The following HMCN1 variants were observed in gnomAD, a reference collection of about 807,000 sequenced individuals.
HMCN1 encodes hemicentin-1.
In HMCN1, 321 loss-of-function variants were observed where a neutral mutation model predicts 625.9. The observed-to-expected ratio is 0.51, with a 90% confidence interval of 0.47 to 0.56. The LOEUF (loss-of-function observed/expected upper bound fraction) is 0.56. HMCN1 is among the 20% of genes least tolerant of loss of function. HMCN1 has a pLI of 0.00. For synonymous variants in HMCN1, 2,425 were observed against 2,417.6 expected, an observed-to-expected ratio of 1.00 and a Z score of -0.09; for missense variants, 6,588 against 6,887.3, an observed-to-expected ratio of 0.96 and a Z score of 1.54.
At chr1:185,780,390 T>C (rs1031079706) in intron 1 of HMCN1, among the ~76,000 whole-genome samples, 5 of 152,184 alleles carry the variant, frequency 3.3e-5, no homozygotes, top group African/African-American at 9.7e-5. Context: ...CTATGTTGAA[T>C]AGGAGAGGTG....
chr1:185,970,185 A>G, intron 14 of HMCN1, 150 bp from the exon 15 acceptor site: 1 of 750,982 alleles, frequency 1.3e-6, no homozygotes, highest in Non-Finnish European at 2.4e-6. Context: ...TCTGAATTTT[A>G]GACTGTAGAA....
intron 83 of HMCN1, 57 bp downstream of exon 83, chr1:186,128,348 A>G (rs1661750751): frequency 2.2e-6 from 3 of 1,371,552 alleles, no homozygotes; most frequent in Non-Finnish European, 3.1e-6. Context: ...ACTCTAGACG[A>G]AGCTCTGTTT....
chr1:185,943,219 G>A (rs1668170959), intron 11 of HMCN1, among the ~76,000 whole-genome samples: 1 of 152,148 alleles, frequency 6.6e-6, no homozygotes, highest in Non-Finnish European at 1.5e-5. Flanking sequence ...AACCTGACAA[G>A]GCGGTTGTGG....
chr1:186,095,098 A>C, intron 67 of HMCN1, 145 bp from the exon 68 acceptor site: 1 of 748,548 alleles, frequency 1.3e-6, no homozygotes, highest in Non-Finnish European at 2.2e-6. Flanking sequence ...TTTTTATTGT[A>C]AAGTCCTTAG....
intron 4 of HMCN1, among the ~76,000 whole-genome samples, chr1:185,897,464 T>C (rs912317279): frequency 7.9e-5 from 12 of 152,100 alleles, no homozygotes; most frequent in African/African-American, 2.2e-4. Context: ...ACTTGCAAGT[T>C]CTCCCTACCC....
chr1:185,945,766 C>A (rs779919680), intron 11 of HMCN1, among the ~76,000 whole-genome samples: 1 of 152,280 alleles, frequency 6.6e-6, no homozygotes, highest in South Asian at 2.1e-4. Flanking sequence ...AATGAGAACA[C>A]AGACACATGG....
rs184167651 is a variant in HMCN1 at position 185,755,411 on chromosome 1, A to C, written c.268+20364A>C. 2.4e-3 allele frequency among the ~76,000 whole-genome samples: 363 copies of C among 152,326 alleles called. 3 individuals carry two copies. The highest frequency in any genetic ancestry group is 6.8e-3 in the Middle Eastern group (2 of 294). ...TTCAGGAGGTTGTCCAGGATGGCTC[A>C]GGGATGTCTAGACCAAGAAACATCA... On this transcript the variant is annotated intron_variant, in intron 1 of 106. Coordinates refer to ENST00000271588, the MANE Select transcript of HMCN1 (RefSeq NM_031935.3).
At chr1:185,823,955 A>G (rs1201872052) in intron 1 of HMCN1, among the ~76,000 whole-genome samples, 3 of 152,198 alleles carry the variant, frequency 2.0e-5, no homozygotes, top group Non-Finnish European at 4.4e-5. Context: ...TGGAACTAAC[A>G]GCAAGTAGAT....
At chr1:185,756,491 A>G in intron 1 of HMCN1, among the ~76,000 whole-genome samples, 1 of 151,888 alleles carries the variant, frequency 6.6e-6, no homozygotes, top group Non-Finnish European at 1.5e-5. Flanking sequence ...AAAAAAAAAA[A>G]AGAAAAAGAA....
intron 11 of HMCN1, among the ~76,000 whole-genome samples, chr1:185,957,596 G>T (rs909872038): frequency 1.3e-5 from 2 of 152,140 alleles, no homozygotes; most frequent in Non-Finnish European, 2.9e-5. Flanking sequence ...TTCAATCTGA[G>T]CATATTCAGT....
chr1:186,034,473 T>A (rs1203392362), intron 36 of HMCN1, among the ~76,000 whole-genome samples: 1 of 152,212 alleles, frequency 6.6e-6, no homozygotes, highest in East Asian at 1.9e-4. Context: ...AGGTTTGCAC[T>A]GACAGAACAA....
intron 11 of HMCN1, among the ~76,000 whole-genome samples, chr1:185,936,520 G>A (rs547485228): frequency 9.9e-5 from 15 of 151,976 alleles, no homozygotes; most frequent in South Asian, 4.2e-4. Context: ...TCCCTGTTTC[G>A]TAGTTTGCTC....
intron 4 of HMCN1, among the ~76,000 whole-genome samples, chr1:185,884,003 T>C (rs1571498642): frequency 1.3e-5 from 2 of 151,316 alleles, no homozygotes; most frequent in East Asian, 1.9e-4. Flanking sequence ...CATTGGACTT[T>C]ATATGACAGG....
Position 186,070,655 on chromosome 1 carries a change from T to C in HMCN1, c.8037T>C (p.Leu2679=), listed in dbSNP as rs1558194992. The change falls in exon 52 of 107, where the codon CTT becomes CTC. Residue 2679 remains leucine (L), a synonymous_variant. Coordinates refer to ENST00000271588, the MANE Select transcript of HMCN1 (RefSeq NM_031935.3). The part of the protein sequence containing the change: ...INKGDLWGPG[L]SPKEVKIKVN... ...AAGGGGACCTTTGGGGGCCAGGTCTTTCCCCTAAAGAAGTGAAGATCAAAG... is the reference window on the plus strand; with the variant it reads ...AAGGGGACCTTTGGGGGCCAGGTCTCTCCCCTAAAGAAGTGAAGATCAAAG... The C allele has an allele frequency of 1.2e-6, 2 of 1,613,102 alleles. No individual in the cohort carries two copies. Among genetic ancestry groups the C allele is most frequent in the Non-Finnish European group, 1.7e-6 (2 of 1,179,222 alleles).
rs564586183 is a variant in HMCN1, at chr1:186,174,662, T to C, written c.15943+20T>C. On this transcript the variant is annotated intron_variant, in intron 103 of 106. Transcript: ENST00000271588. ...GCATGGGTAAGTTAATAGGAACTTGTTGAGCAATAAAGCTACTGATGTAGT... is the reference window on the plus strand; with the variant it reads ...GCATGGGTAAGTTAATAGGAACTTGCTGAGCAATAAAGCTACTGATGTAGT... The C allele has an allele frequency of 1.2e-5, 19 of 1,613,632 alleles. No homozygotes were observed. The African/African-American group carries it at 1.3e-4, about 11-fold the overall frequency.
chr1:185,839,020 ACAGT>A (rs1158015508), intron 1 of HMCN1, among the ~76,000 whole-genome samples: 3 of 152,260 alleles, frequency 2.0e-5, no homozygotes, highest in Non-Finnish European at 2.9e-5. Context: ...CTCTGAAAAC[ACAGT>A]CAAAGTGCTG....
At chr1:185,735,233 A>G (rs1037195160) in intron 1 of HMCN1, among the ~76,000 whole-genome samples, 186 bp downstream of exon 1, 8 of 152,216 alleles carry the variant, frequency 5.3e-5, no homozygotes, top group African/African-American at 1.9e-4. Flanking sequence ...CTTAAGTCTC[A>G]GCCCTGGTGG....
At chr1:186,027,624 G>GA (rs1293430995) in intron 36 of HMCN1, among the ~76,000 whole-genome samples, 3 of 152,172 alleles carry the variant, frequency 2.0e-5, no homozygotes, top group Non-Finnish European at 4.4e-5. Context: ...GACTACATGT[G>GA]AAAATCTTAG....
chr1:186,128,925 G>A (rs928074255), intron 83 of HMCN1, among the ~76,000 whole-genome samples: 1 of 151,252 alleles, frequency 6.6e-6, no homozygotes, highest in Non-Finnish European at 1.5e-5. Context: ...CATTTACTAA[G>A]TGTCTTGCTA....
Sources: allele counts gnomAD v4.1 joint callset (sites outside exome capture counted in the v4.1 genomes callset), GRCh38; gene constraint gnomAD v4.1.1; transcripts MANE v1.5; gene names NCBI Gene and HGNC (gene_info 2026-07-23, HGNC 2026-07-21).